EHMT1: variants seen among roughly 807,000 people sequenced by gnomAD.
The protein encoded by EHMT1 is histone-lysine N-methyltransferase EHMT1.
In EHMT1, 15 loss-of-function variants were observed where a neutral mutation model predicts 147.2. The observed-to-expected ratio is 0.10, with a 90% CI of 0.07 to 0.16. The LOEUF is 0.16. Among genes scored for constraint, EHMT1 ranks in the 10% least tolerant of loss-of-function variants. The probability of loss-of-function intolerance (pLI) is 1.00; values close to 1 mark genes in which losing one functional copy is unlikely to be tolerated. For missense variants in EHMT1, 1,587 were observed against 1,772.4 expected, an observed-to-expected ratio of 0.90 and a Z score of 1.88; for synonymous variants, 795 against 709.6, an observed-to-expected ratio of 1.12 and a Z score of -1.91.
intron 4 of EHMT1, among the ~76,000 whole-genome samples, chr9:137,740,259 C>T (rs961560082): frequency 6.6e-6 from 1 of 152,150 alleles, no homozygotes; most frequent in African/African-American, 2.4e-5. Context: ...TGGGCCTCCC[C>T]GAGCGTCCTG....
At chr9:137,738,759 G>C (rs1015823486) in intron 4 of EHMT1, 1 of 152,138 alleles carries the variant, frequency 6.6e-6, no homozygotes, top group African/African-American at 2.4e-5. Flanking sequence ...GATGAGCCTC[G>C]GGGACACTGT....
intron 9 of EHMT1, among the ~76,000 whole-genome samples, chr9:137,760,914 G>T (rs553427266): frequency 6.6e-6 from 1 of 152,206 alleles, no homozygotes; most frequent in East Asian, 1.9e-4. Flanking sequence ...AGGCTGAGGC[G>T]GGAGAATGGC....
intron 22 of EHMT1, 137 bp from the exon 23 acceptor site, chr9:137,815,810 G>A (rs1248351555): frequency 2.7e-6 from 2 of 743,048 alleles, no homozygotes; most frequent in East Asian, 2.7e-5. Context: ...CCCTAGGTGG[G>A]TGTTCAAGTT....
At chr9:137,821,116 T>A (rs1361351019) in intron 25 of EHMT1, among the ~76,000 whole-genome samples, 1 of 152,206 alleles carries the variant, frequency 6.6e-6, no homozygotes, top group Non-Finnish European at 1.5e-5. Context: ...GACATCGTAA[T>A]CTGCCTGCCT....
In EHMT1 at chr9:137,818,076, AT is replaced by A; in HGVS notation, c.3481del (p.Ser1161GlnfsTer71). On this transcript the variant is annotated frameshift_variant, in exon 25 of 27. Transcript: ENST00000460843. LOFTEE classifies it high-confidence loss of function. ...CCTCTGCAGGTATGTTGGGGAGCTG[AT>A]TTCAGACTCAGAAGCCGACGTTCGA... ...TFVCEYVGELISDSEADVREE... is the reference protein window; with the variant it reads ...TFVCEYVGELXSDSEADVREE... 6.2e-7 allele frequency: 1 copy of A among 1,614,116 alleles called. No homozygotes were observed. The highest frequency in any genetic ancestry group is 8.5e-7 in the Non-Finnish European group (1 of 1,180,024).
intron 1 of EHMT1, among the ~76,000 whole-genome samples, chr9:137,679,818 C>T (rs560916483): frequency 6.6e-6 from 1 of 152,004 alleles, no homozygotes; most frequent in African/African-American, 2.4e-5. Context: ...AAAGCTTTTC[C>T]TTTGTGATTT....
intron 1 of EHMT1, among the ~76,000 whole-genome samples, chr9:137,629,965 A>T (rs967460574): frequency 2.6e-5 from 4 of 152,258 alleles, no homozygotes; most frequent in Non-Finnish European, 5.9e-5. Context: ...GTATTAAAAA[A>T]AAATCTGATG....
chr9:137,717,521 G>A (rs1361037698), intron 3 of EHMT1, among the ~76,000 whole-genome samples: 1 of 149,036 alleles, frequency 6.7e-6, no homozygotes, highest in African/African-American at 2.5e-5. Flanking sequence ...GAGGTGGGAG[G>A]ATTGCTTGAG....
chr9:137,725,154 G>C (rs878914706), intron 3 of EHMT1, among the ~76,000 whole-genome samples: 1 of 136,892 alleles, frequency 7.3e-6, no homozygotes, highest in Non-Finnish European at 1.6e-5. Flanking sequence ...TGTGTGGCAG[G>C]CGTGTGGCAT....
rs576338391 is a variant in EHMT1 at position 137,757,892 on chromosome 9, A to G, written c.1382A>G (p.Tyr461Cys). 2.0e-5 allele frequency: 32 copies of G among 1,614,032 alleles called. No individual in the cohort carries two copies. The highest frequency in any genetic ancestry group is 2.5e-5 in the Non-Finnish European group (30 of 1,180,014). Residue 461 changes from tyrosine to cysteine, a missense_variant, in exon 9 of 27, where the codon TAT becomes TGT. By Grantham distance (194) the Tyr-to-Cys change is radical (BLOSUM62 -2). Around this residue, in one of 7 missense-constraint regions of EHMT1, gnomAD observed 810 missense variants for 673.0 expected, o/e 1.20. Coordinates refer to ENST00000460843, the MANE Select transcript of EHMT1 (RefSeq NM_024757.5). ...CTTTCATACCTAGGTTCTGAGTCGT[A>G]TAAGTCATCTGCAGGAAGCGCTGAG... ...KPSGALGSES[Y>C]KSSAGSAEQT...
intron 10 of EHMT1, chr9:137,763,249 G>T (rs955535441): frequency 5.7e-6 from 2 of 352,564 alleles, no homozygotes; most frequent in South Asian, 3.0e-5. Context: ...TTTCACCGGG[G>T]ATCACAGACT....
At chr9:137,751,600 C>CT (rs1335191264) in intron 6 of EHMT1, among the ~76,000 whole-genome samples, 2 of 152,176 alleles carry the variant, frequency 1.3e-5, no homozygotes, top group Admixed American at 1.3e-4. Context: ...GTTTCAGTGT[C>CT]TTTTGCACTG....
intron 1 of EHMT1, among the ~76,000 whole-genome samples, chr9:137,670,315 C>T (rs1940425724): frequency 6.6e-6 from 1 of 152,158 alleles, no homozygotes; most frequent in African/African-American, 2.4e-5. Context: ...TGCACCTCCA[C>T]CCCCAGGGCA....
chr9:137,620,139 G>A (rs1462777526), intron 1 of EHMT1: 1 of 152,132 alleles, frequency 6.6e-6, no homozygotes, highest in African/African-American at 2.4e-5. Flanking sequence ...AAACTGGGAA[G>A]GTGCAGGGGA....
chr9:137,782,230 G>C lies in EHMT1; in HGVS notation c.2276-61G>C. 1 of 1,473,062 alleles carries C rather than the reference G, an allele frequency of 6.8e-7. No individual in the cohort carries two copies. 91.2% of individuals were successfully genotyped at this position (1,473,062 alleles called of 1,614,324 possible). A position where few individuals can be genotyped will look rare whatever the true frequency, so the allele number is the denominator to read the frequency against. ...TGAGTGCTTGCCAGCCATCGTGACA[G>C]TCCTGAGCTGGAGTCTGTGGCTACA... On this transcript the variant is annotated intron_variant, in intron 14 of 26. Coordinates refer to ENST00000460843, the MANE Select transcript of EHMT1 (RefSeq NM_024757.5). This position sits in a 1 kb window ranked among gnomAD's most constrained non-coding sequence, Gnocchi z 5.7.
intron 26 of EHMT1, 124 bp downstream of exon 26, chr9:137,834,648 A>C: frequency 6.3e-7 from 1 of 1,595,420 alleles, no homozygotes; most frequent in African/African-American, 1.3e-5. Flanking sequence ...AGTTCTAAAA[A>C]CTGCGACCTG....
intron 1 of EHMT1, among the ~76,000 whole-genome samples, chr9:137,623,697 A>AGGAGTGGGTG (rs1236215790): frequency 6.6e-6 from 1 of 152,190 alleles, no homozygotes; most frequent in Non-Finnish European, 1.5e-5. Context: ...CTGGGACTAC[A>AGGAGTGGGTG]GGAGTGAGCC....
Position 137,775,070 on chromosome 9 carries a change from G to A in EHMT1, c.1648-39G>A, listed in dbSNP as rs535968742. The A allele has an allele frequency of 4.3e-6, 7 of 1,613,744 alleles. No individual in the cohort carries two copies. The East Asian group carries it at 1.1e-4, about 26-fold the overall frequency. ...TGGTGGGAGGGAATGCCGGCCTCTC[G>A]TGACTCTGACATTGACCACCAGTCT... is the stretch of plus-strand genomic sequence containing the variant. On this transcript the variant is annotated intron_variant, in intron 10 of 26. Transcript: ENST00000460843. This position sits in a 1 kb window ranked among gnomAD's most constrained non-coding sequence, Gnocchi z 6.1.
intron 1 of EHMT1, among the ~76,000 whole-genome samples, chr9:137,627,526 A>G (rs1436833457): frequency 6.7e-6 from 1 of 148,516 alleles, no homozygotes. Context: ...CAGCCTCCCA[A>G]AATGCTGGGA....
Sources: allele counts gnomAD v4.1 joint callset (sites outside exome capture counted in the v4.1 genomes callset), GRCh38; gene constraint gnomAD v4.1.1; regional missense constraint gnomAD v4.1.1; non-coding constraint Gnocchi (gnomAD v3.1); transcripts MANE v1.5; gene names NCBI Gene and HGNC (gene_info 2026-07-23, HGNC 2026-07-21).